CDK14: variants seen among roughly 807,000 people sequenced by gnomAD.
The protein encoded by CDK14 is cyclin dependent kinase 14, also known as cyclin-dependent kinase 14.
A neutral mutation model predicts 60.7 loss-of-function variants in CDK14; 34 were observed. The ratio of observed to expected loss-of-function variants is 0.56; its 90% CI spans 0.43 to 0.75. The LOEUF (loss-of-function observed/expected upper bound fraction) is 0.75. CDK14 is among the 30% of genes least tolerant of loss of function. The probability of loss-of-function intolerance (pLI) is 0.00; values close to 1 mark genes in which losing one functional copy is unlikely to be tolerated. For missense variants in CDK14, 482 were observed against 564.1 expected (o/e 0.85, Z 1.47); for synonymous variants, 197 against 203.7 (o/e 0.97, Z 0.28).
chr7:91,135,235 G>A (rs915334750), intron 14 of CDK14, among the ~76,000 whole-genome samples: 1 of 152,086 alleles, frequency 6.6e-6, no homozygotes, highest in Non-Finnish European at 1.5e-5. Context: ...TGAAAAGGAG[G>A]CAGAGGGAGG....
At chr7:90,943,246 C>T (rs551614892) in intron 8 of CDK14, among the ~76,000 whole-genome samples, 56 of 152,034 alleles carry the variant, frequency 3.7e-4, no homozygotes, top group African/African-American at 1.1e-3. Context: ...CCCAGTGTTA[C>T]GTAGAGATGG....
chr7:90,920,617 G>A (rs991606042), intron 8 of CDK14, among the ~76,000 whole-genome samples: 1 of 152,154 alleles, frequency 6.6e-6, no homozygotes, highest in Admixed American at 6.5e-5. Context: ...GTGGCCCAGG[G>A]CCTTTATATT....
intron 5 of CDK14, among the ~76,000 whole-genome samples, chr7:90,810,376 G>C (rs1789043565): frequency 6.6e-6 from 1 of 152,188 alleles, no homozygotes; most frequent in Admixed American, 6.5e-5. Context: ...AAAACCACAT[G>C]ATTATCTGAA....
At chr7:90,969,187 A>G (rs1794847127) in intron 9 of CDK14, among the ~76,000 whole-genome samples, 1 of 152,158 alleles carries the variant, frequency 6.6e-6, no homozygotes, top group Non-Finnish European at 1.5e-5. Context: ...TATCTCAGAT[A>G]TTAGGTTGTT....
intron 4 of CDK14, among the ~76,000 whole-genome samples, chr7:90,781,995 A>C (rs1025257338): frequency 4.6e-5 from 7 of 152,128 alleles, no homozygotes; most frequent in African/African-American, 1.4e-4. Flanking sequence ...TGAATCTATA[A>C]ATTACCTTGG....
chr7:90,984,312 C>A, intron 10 of CDK14, 71 bp downstream of exon 10: 1 of 928,892 alleles, frequency 1.1e-6, no homozygotes, highest in Non-Finnish European at 1.8e-6. Flanking sequence ...AATTCTACAG[C>A]AGTCTGTGGA....
chr7:90,930,068 G>T (rs892306135), intron 8 of CDK14, among the ~76,000 whole-genome samples: 5 of 152,002 alleles, frequency 3.3e-5, no homozygotes, highest in Admixed American at 6.6e-5. Context: ...TAAGAAAACA[G>T]TGTACAGACC....
intron 2 of CDK14, among the ~76,000 whole-genome samples, chr7:90,684,395 C>A (rs1021855348): frequency 2.0e-5 from 3 of 152,178 alleles, no homozygotes; most frequent in Non-Finnish European, 4.4e-5. Context: ...CAGTTACCTT[C>A]TTCTTCATGG....
At chr7:91,077,224 T>C (rs878942305) in intron 11 of CDK14, among the ~76,000 whole-genome samples, 1 of 152,144 alleles carries the variant, frequency 6.6e-6, no homozygotes, top group Non-Finnish European at 1.5e-5. Context: ...CTATTTACAA[T>C]AGCAAAGACA....
At chr7:90,686,144 G>A (rs1467163544) in intron 2 of CDK14, among the ~76,000 whole-genome samples, 1 of 152,082 alleles carries the variant, frequency 6.6e-6, no homozygotes, top group Non-Finnish European at 1.5e-5. Flanking sequence ...CTTTTAAAGA[G>A]ATTAATACAT....
At chr7:90,743,502 ATATAT>A (rs1562748541) in intron 3 of CDK14, among the ~76,000 whole-genome samples, 2 of 152,152 alleles carry the variant, frequency 1.3e-5, no homozygotes, top group African/African-American at 4.8e-5. Flanking sequence ...ATTTGAATAC[ATATAT>A]TAATTAAGCC....
At position 90,792,198 on chromosome 7, in the gene CDK14, C is replaced by CTTT. The variant is rs35700270; in HGVS notation, c.544+1557_544+1559dup. Among the ~76,000 whole-genome samples, 172 of 143,550 alleles carry CTTT rather than the reference C, an allele frequency of 1.2e-3. 1 individual carries two copies. Among genetic ancestry groups the CTTT allele is most frequent in the Middle Eastern group, 3.6e-3 (1 of 280 alleles). The allele number at this position is 143,550 out of a possible 152,430, so 94.2% of individuals were successfully genotyped here. ...TACAGGCGTGAGCCACTGTGCCTGC[C>CTTT]TTTTTTTTTTTTTCTTTCTAATAAG... On this transcript the variant is annotated intron_variant, in intron 5 of 14. Coordinates refer to ENST00000380050, the MANE Select transcript of CDK14 (RefSeq NM_001287135.2).
chr7:91,052,402 A>C (rs923427166), intron 11 of CDK14, among the ~76,000 whole-genome samples: 2 of 152,242 alleles, frequency 1.3e-5, no homozygotes, highest in African/African-American at 2.4e-5. Flanking sequence ...TGCCCTGCTA[A>C]AGAACAGTTT....
At chr7:90,743,780 T>C (rs941848127) in intron 3 of CDK14, among the ~76,000 whole-genome samples, 3 of 152,130 alleles carry the variant, frequency 2.0e-5, no homozygotes, top group African/African-American at 7.2e-5. Flanking sequence ...TTCTGTTTTG[T>C]CTGCTATCAA....
chr7:91,068,343 T>C (rs1798038763), intron 11 of CDK14, among the ~76,000 whole-genome samples: 1 of 152,246 alleles, frequency 6.6e-6, no homozygotes, highest in Non-Finnish European at 1.5e-5. Context: ...GCATAATGGC[T>C]AGTTTCTGTT....
At chr7:90,982,511 T>G (rs1795257197) in intron 9 of CDK14, among the ~76,000 whole-genome samples, 1 of 152,212 alleles carries the variant, frequency 6.6e-6, no homozygotes. Context: ...GTCAGAGATA[T>G]GCAGTTTCTT....
chr7:90,818,835 A>G (rs978402283), intron 5 of CDK14, among the ~76,000 whole-genome samples: 35 of 152,082 alleles, frequency 2.3e-4, no homozygotes, highest in Admixed American at 1.0e-3. Flanking sequence ...TAAAACCCAC[A>G]AAGAGCAAAT....
intron 2 of CDK14, among the ~76,000 whole-genome samples, chr7:90,679,758 T>C (rs1801277432): frequency 6.6e-6 from 1 of 152,268 alleles, no homozygotes; most frequent in South Asian, 2.1e-4. Flanking sequence ...CAATTTTTGC[T>C]GGCATAGTAC....
At chr7:91,059,601 G>T (rs57170625) in intron 11 of CDK14, among the ~76,000 whole-genome samples, 3,568 of 110,630 alleles carry the variant, frequency 0.032, 107 homozygotes, top group African/African-American at 0.11. Context: ...TCTGGTATGT[G>T]GTGTCTTTGT....
Sources: allele counts gnomAD v4.1 joint callset (sites outside exome capture counted in the v4.1 genomes callset), GRCh38; gene constraint gnomAD v4.1.1; transcripts MANE v1.5; gene names NCBI Gene and HGNC (gene_info 2026-07-23, HGNC 2026-07-21).